Variants in ACAP2 observed in about 807,000 individuals in gnomAD.
ACAP2 encodes ArfGAP with coiled-coil, ankyrin repeat and PH domains 2, also known as arf-GAP with coiled-coil, ANK repeat and PH domain-containing protein 2.
Under a neutral mutation model 115.8 loss-of-function variants are expected in ACAP2, and 39 were observed. The observed-to-expected ratio is 0.34, with a 90% CI of 0.26 to 0.44. The LOEUF (loss-of-function observed/expected upper bound fraction) is 0.44, where lower values mean the gene tolerates loss of function less well. ACAP2 is among the 20% of genes least tolerant of loss of function. The probability of loss-of-function intolerance (pLI) is 1.00; values close to 1 mark genes in which losing one functional copy is unlikely to be tolerated. For missense variants in ACAP2, 662 were observed against 927.6 expected (o/e 0.71, Z 3.72); for synonymous variants, 289 against 315.8 (o/e 0.92, Z 0.90).
chr3:195,335,717 T>C (rs1169808142), intron 7 of ACAP2, among the ~76,000 whole-genome samples: 2 of 152,032 alleles, frequency 1.3e-5, no homozygotes, highest in African/African-American at 4.8e-5. Context: ...CACAAATATA[T>C]ACATAAAATT....
rs552359073 is a variant in ACAP2, at chr3:195,282,499, A to C, written c.2237-3071T>G. ...GTTGTCAAAAGCAAATGTTACAAGA[A>C]CAATAGTGACCAAGATATTTAATAC... is the stretch of plus-strand genomic sequence containing the variant. On this transcript the variant is annotated intron_variant, in intron 22 of 22. Coordinates refer to ENST00000326793, the MANE Select transcript of ACAP2 (RefSeq NM_012287.6). 202 of 152,358 alleles carry C rather than the reference A, an allele frequency of 1.3e-3. 2 individuals carry two copies. Among genetic ancestry groups the C allele is most frequent in the African/African-American group, 4.8e-3 (198 of 41,580 alleles). 9.4% of individuals were successfully genotyped at this position (152,358 alleles called of 1,614,324 possible).
At chr3:195,325,591 T>A in intron 9 of ACAP2, 1 of 365,836 alleles carries the variant, frequency 2.7e-6, no homozygotes, top group South Asian at 2.2e-5. Flanking sequence ...TAATTTACCA[T>A]TTTTGAAGCT....
At chr3:195,322,942 G>GA (rs1307324708) in intron 9 of ACAP2, among the ~76,000 whole-genome samples, 1 of 152,182 alleles carries the variant, frequency 6.6e-6, no homozygotes. Flanking sequence ...TATGTTGGAT[G>GA]AAAGACATAG....
intron 6 of ACAP2, among the ~76,000 whole-genome samples, chr3:195,340,043 G>GT (rs2108644357): frequency 6.6e-6 from 1 of 151,644 alleles, no homozygotes; most frequent in African/African-American, 2.4e-5. Context: ...AGAAGTCTGA[G>GT]TAACCCGGAT....
At chr3:195,336,821 G>A in intron 7 of ACAP2, 111 bp downstream of exon 7, 1 of 838,520 alleles carries the variant, frequency 1.2e-6, no homozygotes, top group Non-Finnish European at 1.9e-6. Flanking sequence ...TCAAAAAGAA[G>A]AGCAATTATA....
intron 1 of ACAP2, among the ~76,000 whole-genome samples, chr3:195,424,284 T>TATATATA (rs1491225166): frequency 1.9e-4 from 3 of 15,856 alleles, no homozygotes; most frequent in African/African-American, 3.7e-4. Flanking sequence ...TATATATATA[T>TATATATA]TTTTTTTTTT....
chr3:195,324,069 A>G (rs181568258), intron 9 of ACAP2, among the ~76,000 whole-genome samples: 1 of 152,318 alleles, frequency 6.6e-6, no homozygotes, highest in Admixed American at 6.5e-5. Context: ...TAAAAATGAA[A>G]AATAAAAATG....
intron 1 of ACAP2, among the ~76,000 whole-genome samples, chr3:195,400,246 C>T (rs1560330350): frequency 6.6e-6 from 1 of 150,442 alleles, no homozygotes; most frequent in Non-Finnish European, 1.5e-5. Context: ...ATATATATTC[C>T]AGATAATCAT....
chr3:195,419,455 G>A (rs927358261), intron 1 of ACAP2: 2 of 152,150 alleles, frequency 1.3e-5, no homozygotes, highest in Non-Finnish European at 2.9e-5. Flanking sequence ...GTTAAATGCA[G>A]TAGTGAGAAG....
At chr3:195,333,184 T>A (rs1730288784) in intron 7 of ACAP2, 61 bp from the exon 8 acceptor site, 1 of 791,268 alleles carries the variant, frequency 1.3e-6, no homozygotes, top group Non-Finnish European at 1.9e-6. Flanking sequence ...TTCTGAAATA[T>A]TACATATATA....
chr3:195,418,798 G>C (rs1374312970), intron 1 of ACAP2, among the ~76,000 whole-genome samples: 1 of 152,086 alleles, frequency 6.6e-6, no homozygotes, highest in Admixed American at 6.5e-5. Flanking sequence ...TTAAAACGCA[G>C]CTTCAAGATT....
intron 2 of ACAP2, among the ~76,000 whole-genome samples, chr3:195,389,473 T>C (rs1734513454): frequency 6.6e-6 from 1 of 152,200 alleles, no homozygotes; most frequent in African/African-American, 2.4e-5. Flanking sequence ...AATACATATG[T>C]AATAATATAT....
At chr3:195,310,853 T>A (rs1270505409) in intron 10 of ACAP2, among the ~76,000 whole-genome samples, 2 of 152,084 alleles carry the variant, frequency 1.3e-5, no homozygotes, top group Admixed American at 1.3e-4. Flanking sequence ...AAATATAAAC[T>A]CTTAATTTTA....
chr3:195,441,002 A>G (rs1283919120), intron 1 of ACAP2, among the ~76,000 whole-genome samples: 1 of 152,182 alleles, frequency 6.6e-6, no homozygotes, highest in African/African-American at 2.4e-5. Context: ...AATATTCCCT[A>G]CAACTTAATC....
At chr3:195,399,271 A>G (rs1366254258) in intron 1 of ACAP2, among the ~76,000 whole-genome samples, 1 of 152,254 alleles carries the variant, frequency 6.6e-6, no homozygotes, top group Non-Finnish European at 1.5e-5. Flanking sequence ...AGGAGTATGA[A>G]TATAGATGAA....
chr3:195,391,232 T>C (rs77041071), intron 2 of ACAP2, among the ~76,000 whole-genome samples: 19 of 95,296 alleles, frequency 2.0e-4, no homozygotes, highest in Admixed American at 4.1e-4. Context: ...CTCTTTCTTT[T>C]TTTTTTTTTT....
At chr3:195,384,406 G>T (rs1351945306) in intron 2 of ACAP2, among the ~76,000 whole-genome samples, 1 of 152,100 alleles carries the variant, frequency 6.6e-6, no homozygotes, top group Non-Finnish European at 1.5e-5. Flanking sequence ...GTACTGAAGA[G>T]TACAAATACT....
chr3:195,368,430 G>A (rs1008483756), intron 4 of ACAP2, among the ~76,000 whole-genome samples: 8 of 152,216 alleles, frequency 5.3e-5, no homozygotes, highest in Admixed American at 2.0e-4. Flanking sequence ...GATGACAGGC[G>A]TTATCCCAGC....
chr3:195,390,360 G>A (rs1734585877), intron 2 of ACAP2, among the ~76,000 whole-genome samples: 1 of 151,990 alleles, frequency 6.6e-6, no homozygotes, highest in African/African-American at 2.4e-5. Flanking sequence ...AAATTAAAAG[G>A]ATACTACTAT....
Sources: gnomAD v4.1 joint callset for allele counts (sites outside exome capture counted in the v4.1 genomes callset) on GRCh38, gnomAD v4.1.1 for gene constraint, MANE v1.5 for transcripts, NCBI Gene and HGNC (gene_info 2026-07-23, HGNC 2026-07-21) for gene names.